Variants in UTRN observed in about 807,000 individuals in gnomAD.
UTRN encodes dystrophin-related protein 1.
Under a neutral mutation model 463.9 loss-of-function variants are expected in UTRN, and 283 were observed. The observed-to-expected ratio is 0.61, with a 90% CI of 0.55 to 0.67. The LOEUF is 0.67. UTRN is among the 30% of genes least tolerant of loss of function. The pLI, the probability that UTRN is intolerant of heterozygous loss-of-function variation, is 0.00. For missense variants in UTRN, 3,922 were observed against 4,084.3 expected, an observed-to-expected ratio of 0.96 and a Z score of 1.08; for synonymous variants, 1,442 against 1,431.5, an observed-to-expected ratio of 1.01 and a Z score of -0.17.
intron 32 of UTRN, among the ~76,000 whole-genome samples, chr6:144,491,598 G>A (rs1266546740): frequency 6.6e-6 from 1 of 152,078 alleles, no homozygotes; most frequent in Non-Finnish European, 1.5e-5. Context: ...TAATTCAATT[G>A]AATAGAAATT....
chr6:144,329,084 C>CTTTTT (rs1223318985), intron 2 of UTRN, among the ~76,000 whole-genome samples: 1 of 133,322 alleles, frequency 7.5e-6, no homozygotes, highest in African/African-American at 3.0e-5. Flanking sequence ...CGCACCTGGC[C>CTTTTT]TTTTTTTTTT....
rs1258236195 is a variant in UTRN, at chr6:144,439,745, C to T, written c.1393-607C>T. On this transcript the variant is annotated intron_variant, in intron 12 of 74. Transcript: ENST00000367545. ...CTTGAACTCCTGACCTCAAGTGATC[C>T]GCCTGCCTTGGGTTCCCAAAGTGCT... 9.2e-5 allele frequency among the ~76,000 whole-genome samples: 14 copies of T among 152,278 alleles called. No homozygotes were observed. The East Asian group carries it at 9.6e-4, about 10-fold the overall frequency.
chr6:144,846,677 C>T (rs890824403), intron 73 of UTRN, 128 bp from the exon 74 acceptor site: 42 of 1,235,488 alleles, frequency 3.4e-5, no homozygotes, highest in Non-Finnish European at 4.9e-5. Context: ...CTATTAGCAT[C>T]CATTTAACAA....
intron 51 of UTRN, among the ~76,000 whole-genome samples, chr6:144,620,013 T>C (rs1585604259): frequency 1.3e-5 from 2 of 152,184 alleles, no homozygotes; most frequent in South Asian, 4.1e-4. Flanking sequence ...AGATATCCAG[T>C]GTGTCTGCAT....
intron 50 of UTRN, among the ~76,000 whole-genome samples, chr6:144,560,485 G>C (rs1799770151): frequency 6.6e-6 from 1 of 152,050 alleles, no homozygotes. Flanking sequence ...GCTGCTGAGA[G>C]GCCTTTTTAC....
At chr6:144,733,444 G>A (rs1788993158) in intron 54 of UTRN, among the ~76,000 whole-genome samples, 1 of 151,114 alleles carries the variant, frequency 6.6e-6, no homozygotes, top group African/African-American at 2.4e-5. Context: ...TTGAACCCGG[G>A]AGGCAGAGAT....
intron 61 of UTRN, among the ~76,000 whole-genome samples, chr6:144,787,037 T>C (rs540722870): frequency 6.6e-6 from 1 of 152,312 alleles, no homozygotes; most frequent in African/African-American, 2.4e-5. Context: ...TCCTTTCTTG[T>C]GTTGTGACAG....
At chr6:144,295,034 C>G (rs1483512533) in intron 2 of UTRN, among the ~76,000 whole-genome samples, 1 of 152,168 alleles carries the variant, frequency 6.6e-6, no homozygotes, top group Non-Finnish European at 1.5e-5. Context: ...CTTAAAAGCA[C>G]ATATGCCAAG....
intron 51 of UTRN, among the ~76,000 whole-genome samples, chr6:144,603,923 C>T (rs1389478646): frequency 2.0e-5 from 3 of 152,130 alleles, no homozygotes; most frequent in Non-Finnish European, 4.4e-5. Context: ...CTCAGAGCCT[C>T]ATATGATTTC....
intron 2 of UTRN, among the ~76,000 whole-genome samples, chr6:144,349,565 A>G (rs1204899980): frequency 6.6e-6 from 1 of 152,218 alleles, no homozygotes; most frequent in African/African-American, 2.4e-5. Flanking sequence ...AAATTATAAA[A>G]ACCTAGTCTG....
chr6:144,466,862 G>A (rs142729944), intron 23 of UTRN, among the ~76,000 whole-genome samples: 185 of 152,256 alleles, frequency 1.2e-3, no homozygotes, highest in African/African-American at 4.2e-3. Flanking sequence ...ATTTTCCAGC[G>A]CTCCTGCCTT....
At chr6:144,407,226 AT>A (rs1381236881) in intron 3 of UTRN, among the ~76,000 whole-genome samples, 1 of 152,062 alleles carries the variant, frequency 6.6e-6, no homozygotes, top group Non-Finnish European at 1.5e-5. Context: ...ATCTTTTGGC[AT>A]TTAGTAGGTA....
intron 45 of UTRN, 72 bp downstream of exon 45, chr6:144,539,515 A>T: frequency 6.9e-7 from 1 of 1,452,332 alleles, no homozygotes; most frequent in Non-Finnish European, 9.1e-7. Context: ...GGATCATGTA[A>T]CTGCTTTACT....
In UTRN at chr6:144,467,135, G is replaced by A. The variant is rs28733692; in HGVS notation, c.3066+4269G>A. The stretch of plus-strand genomic sequence containing the variant: ...TCCCTGCATCTCCACTGTGAGCTGA[G>A]TCAGGTGGGGAGAATACGGTGGGTC... On this transcript the variant is annotated intron_variant, in intron 23 of 74. Coordinates refer to ENST00000367545, the MANE Select transcript of UTRN (RefSeq NM_007124.3). 6.1e-3 allele frequency among the ~76,000 whole-genome samples: 930 copies of A among 152,346 alleles called. 1 individual carries two copies. The highest frequency in any genetic ancestry group is 0.024 in the Middle Eastern group (7 of 294).
At chr6:144,371,450 T>C (rs200096484) in intron 2 of UTRN, among the ~76,000 whole-genome samples, 2 of 152,218 alleles carry the variant, frequency 1.3e-5, no homozygotes, top group African/African-American at 4.8e-5. Context: ...TCACTTTTGT[T>C]GCCCAGGCTG....
chr6:144,685,129 G>A (rs1017697136), intron 52 of UTRN, among the ~76,000 whole-genome samples: 11 of 152,140 alleles, frequency 7.2e-5, no homozygotes, highest in Non-Finnish European at 1.6e-4. Flanking sequence ...ATCATGTAGT[G>A]TTTGGTTTTC....
At chr6:144,441,118 G>A (rs537833682) in intron 13 of UTRN, among the ~76,000 whole-genome samples, 1 of 152,150 alleles carries the variant, frequency 6.6e-6, no homozygotes, top group East Asian at 1.9e-4. Flanking sequence ...TCCACCCCTG[G>A]CCTCTCCCAA....
At chr6:144,483,410 C>G (rs766868266) in intron 27 of UTRN, among the ~76,000 whole-genome samples, 6 of 152,002 alleles carry the variant, frequency 3.9e-5, no homozygotes, top group Non-Finnish European at 8.8e-5. Flanking sequence ...TTCTTTTATT[C>G]TAATTCAGTG....
At chr6:144,521,953 A>ATTT (rs200015334) in intron 39 of UTRN, 27 bp from the exon 40 acceptor site, 32 of 1,036,670 alleles carry the variant, frequency 3.1e-5, no homozygotes, top group East Asian at 1.2e-4. Flanking sequence ...ATATATATAT[A>ATTT]TATTTTTTTT....
Sources: gnomAD v4.1 joint callset for allele counts (sites outside exome capture counted in the v4.1 genomes callset) on GRCh38, gnomAD v4.1.1 for gene constraint, MANE v1.5 for transcripts, NCBI Gene and HGNC (gene_info 2026-07-23, HGNC 2026-07-21) for gene names.